The following GRIA1 variants were observed in gnomAD, a reference collection of about 807,000 sequenced individuals.
The protein encoded by GRIA1 is glutamate receptor 1.
In GRIA1, 31 loss-of-function variants were observed where a neutral mutation model predicts 99.2. That is an observed-to-expected ratio of 0.31 (90% confidence interval 0.23 to 0.42). The LOEUF (loss-of-function observed/expected upper bound fraction) is 0.42, where lower values mean the gene tolerates loss of function less well. Ranked by LOEUF, GRIA1 falls within the 10% of genes least tolerant of loss-of-function variation. The pLI is 1.00. For missense variants in GRIA1, 782 were observed against 1,157.5 expected, an observed-to-expected ratio of 0.68 and a Z score of 4.71; for synonymous variants, 438 against 432.4, an observed-to-expected ratio of 1.01 and a Z score of -0.16.
At chr5:153,722,393 TACCTC>T (rs1760137702) in intron 11 of GRIA1, among the ~76,000 whole-genome samples, 1 of 152,232 alleles carries the variant, frequency 6.6e-6, no homozygotes, top group African/African-American at 2.4e-5. Context: ...AGACTTTACC[TACCTC>T]AAAGTCATAA....
chr5:153,796,786 A>AC (rs1765674520), intron 14 of GRIA1, among the ~76,000 whole-genome samples: 2 of 57,354 alleles, frequency 3.5e-5, no homozygotes, highest in African/African-American at 6.5e-5. Context: ...TCCTGCCCCC[A>AC]CCCCCACCCC....
intron 15 of GRIA1, among the ~76,000 whole-genome samples, chr5:153,809,532 C>T (rs1766667517): frequency 6.6e-6 from 1 of 152,226 alleles, no homozygotes; most frequent in African/African-American, 2.4e-5. Context: ...TTATCTCTGT[C>T]TGGCCACAGA....
At chr5:153,582,670 C>T (rs1415346554) in intron 2 of GRIA1, among the ~76,000 whole-genome samples, 1 of 152,208 alleles carries the variant, frequency 6.6e-6, no homozygotes, top group South Asian at 2.1e-4. Context: ...AAGCTAGAGT[C>T]TGGAATCAAA....
chr5:153,652,419 A>G (rs1036094199), intron 4 of GRIA1, among the ~76,000 whole-genome samples: 2 of 152,196 alleles, frequency 1.3e-5, no homozygotes, highest in Non-Finnish European at 2.9e-5. Context: ...TCAACTTTGT[A>G]AAACAGCTTT....
intron 2 of GRIA1, among the ~76,000 whole-genome samples, chr5:153,636,646 T>G (rs1753382045): frequency 6.6e-6 from 1 of 152,354 alleles, no homozygotes; most frequent in African/African-American, 2.4e-5. Context: ...TTGGAATGCC[T>G]GTGTTTGGAT....
chr5:153,801,461 T>TCA (rs1581680367), intron 14 of GRIA1, among the ~76,000 whole-genome samples: 1 of 152,146 alleles, frequency 6.6e-6, no homozygotes, highest in East Asian at 1.9e-4. Context: ...TTCCTCTGGC[T>TCA]CCACAGGGTG....
chr5:153,795,359 C>T (rs1765579525), intron 14 of GRIA1: 1 of 633,594 alleles, frequency 1.6e-6, no homozygotes, highest in African/African-American at 1.8e-5. Context: ...TTTAGAGTAT[C>T]ACTTTGTCAG....
At chr5:153,524,746 C>T (rs962568266) in intron 2 of GRIA1, among the ~76,000 whole-genome samples, 4 of 152,270 alleles carry the variant, frequency 2.6e-5, no homozygotes, top group Admixed American at 1.3e-4. Context: ...ATAGTATTAG[C>T]TCAGGGATTT....
Position 153,674,514 on chromosome 5 carries a change from T to C in GRIA1, c.714T>C (p.Ile238=), listed in dbSNP as rs142807233. 937 of 1,614,082 alleles carry C rather than the reference T, an allele frequency of 5.8e-4. 12 individuals are homozygous for C. The African/African-American group carries it at 0.011, about 19-fold the overall frequency. The change falls in exon 6 of 16, where the codon ATT becomes ATC. Residue 238 remains isoleucine (I), a synonymous_variant. Coordinates refer to ENST00000285900, the MANE Select transcript of GRIA1 (RefSeq NM_000827.4). ...YILANLGFMD[I]DLNKFKESGA... Reference sequence around the variant, plus strand: ...CCCTCTCACAGGGCTTCATGGACATTGACTTAAACAAATTCAAGGAGAGTG... The same window carrying C: ...CCCTCTCACAGGGCTTCATGGACATCGACTTAAACAAATTCAAGGAGAGTG...
At chr5:153,671,385 C>T (rs939634167) in intron 5 of GRIA1, among the ~76,000 whole-genome samples, 3 of 152,210 alleles carry the variant, frequency 2.0e-5, no homozygotes, top group Non-Finnish European at 4.4e-5. Context: ...TTTAAAGTCT[C>T]TAAGAACTAT....
At chr5:153,604,224 G>A (rs373300798) in intron 2 of GRIA1, among the ~76,000 whole-genome samples, 4 of 152,146 alleles carry the variant, frequency 2.6e-5, no homozygotes, top group East Asian at 3.9e-4. Flanking sequence ...CAAATAAAGT[G>A]GGTGACCCCT....
chr5:153,577,601 G>C (rs1762677957), intron 2 of GRIA1, among the ~76,000 whole-genome samples: 1 of 152,182 alleles, frequency 6.6e-6, no homozygotes, highest in African/African-American at 2.4e-5. Context: ...TTTGCAGGGA[G>C]AATATGCAGA....
intron 5 of GRIA1, 133 bp downstream of exon 5, chr5:153,656,005 G>A (rs951140041): frequency 2.8e-6 from 2 of 710,564 alleles, no homozygotes; most frequent in African/African-American, 1.8e-5. Flanking sequence ...ATGAGTCTTG[G>A]CAATACTACA....
intron 11 of GRIA1, among the ~76,000 whole-genome samples, chr5:153,751,081 C>A (rs1002882782): frequency 6.6e-6 from 1 of 152,150 alleles, no homozygotes; most frequent in African/African-American, 2.4e-5. Context: ...GCCTGGACAA[C>A]AAGAGCGAGA....
At chr5:153,700,482 G>C (rs975857372) in intron 10 of GRIA1, among the ~76,000 whole-genome samples, 3 of 152,196 alleles carry the variant, frequency 2.0e-5, no homozygotes, top group Non-Finnish European at 2.9e-5. Flanking sequence ...GGTGTGAGAG[G>C]AGAATGAGAA....
intron 2 of GRIA1, among the ~76,000 whole-genome samples, chr5:153,579,211 C>G (rs968583514): frequency 1.3e-5 from 2 of 152,150 alleles, no homozygotes; most frequent in African/African-American, 2.4e-5. Context: ...TTGTGTGGAA[C>G]AGGTAAGATA....
chr5:153,718,179 C>A (rs73277290), intron 11 of GRIA1, among the ~76,000 whole-genome samples: 1 of 152,126 alleles, frequency 6.6e-6, no homozygotes, highest in South Asian at 2.1e-4. Context: ...TCTAAGTTTG[C>A]GACACAGTAG....
At chr5:153,706,688 G>A (rs1036333913) in intron 11 of GRIA1, among the ~76,000 whole-genome samples, 1 of 152,152 alleles carries the variant, frequency 6.6e-6, no homozygotes, top group Non-Finnish European at 1.5e-5. Flanking sequence ...CCTAGTAGAT[G>A]TTGGCGTCTT....
chr5:153,811,474 T>C lies in GRIA1; in HGVS notation c.*249T>C. 2.2e-6 allele frequency: 1 copy of C among 452,334 alleles called. No individual in the cohort carries two copies. The allele number at this position is 452,334 out of a possible 1,614,324, so 28.0% of individuals were successfully genotyped here. Reference sequence around the variant, plus strand: ...ATGAAAAAATAACACTGTACTGCAATAAGGGGAGAGTAACCCTGTCTAATG... The same window carrying C: ...ATGAAAAAATAACACTGTACTGCAACAAGGGGAGAGTAACCCTGTCTAATG... On this transcript the variant is annotated 3_prime_UTR_variant, in exon 16 of 16. Coordinates refer to ENST00000285900, the MANE Select transcript of GRIA1 (RefSeq NM_000827.4).
Sources: gnomAD v4.1 joint callset for allele counts (sites outside exome capture counted in the v4.1 genomes callset) on GRCh38, gnomAD v4.1.1 for gene constraint, MANE v1.5 for transcripts, NCBI Gene and HGNC (gene_info 2026-07-23, HGNC 2026-07-21) for gene names.